The following NTM variants were observed in gnomAD, a reference collection of about 807,000 sequenced individuals.
The protein encoded by NTM is IgLON family member 2.
NTM carries 13 observed loss-of-function variants against 42.1 expected under a neutral mutation model. That is an observed-to-expected ratio of 0.31 (90% CI 0.20 to 0.49). The LOEUF is 0.49. NTM is among the 20% of genes least tolerant of loss of function. The pLI, the probability that NTM is intolerant of heterozygous loss-of-function variation, is 0.99. For missense variants in NTM, 373 were observed against 452.8 expected (o/e 0.82, Z 1.60); for synonymous variants, 187 against 179.2 (o/e 1.04, Z -0.35).
intron 1 of NTM, among the ~76,000 whole-genome samples, chr11:131,661,847 G>A (rs111379421): frequency 6.6e-5 from 10 of 152,128 alleles, no homozygotes; most frequent in African/African-American, 2.4e-4. Flanking sequence ...TTTTCTTTGC[G>A]AGAGAGAGAA....
At chr11:132,206,445 T>A (rs1204442860) in intron 3 of NTM, among the ~76,000 whole-genome samples, 2 of 152,222 alleles carry the variant, frequency 1.3e-5, no homozygotes, top group Non-Finnish European at 2.9e-5. Flanking sequence ...AACTCACTCA[T>A]TGAGCACTTC....
At chr11:131,789,610 GAA>G (rs2090404734) in intron 1 of NTM, among the ~76,000 whole-genome samples, 4 of 84,308 alleles carry the variant, frequency 4.7e-5, no homozygotes, top group Admixed American at 1.3e-4. Flanking sequence ...AGAAGAAGAA[GAA>G]GAAGAAGAAG....
chr11:131,840,196 C>T (rs898973150), intron 1 of NTM, among the ~76,000 whole-genome samples: 4 of 152,112 alleles, frequency 2.6e-5, no homozygotes, highest in African/African-American at 7.2e-5. Flanking sequence ...TTTAAAGCCA[C>T]GAGGCCAAAT....
intron 4 of NTM, among the ~76,000 whole-genome samples, chr11:132,226,041 C>T (rs916947945): frequency 1.3e-5 from 2 of 152,168 alleles, no homozygotes; most frequent in Non-Finnish European, 2.9e-5. Context: ...AGGACATGAA[C>T]TCATCCTTTT....
At chr11:131,554,394 T>A (rs1320359320) in intron 1 of NTM, among the ~76,000 whole-genome samples, 1 of 152,122 alleles carries the variant, frequency 6.6e-6, no homozygotes, top group Non-Finnish European at 1.5e-5. Context: ...TATCAGCTGA[T>A]CAAAAATACA....
At chr11:132,072,151 C>T (rs889554092) in intron 2 of NTM, among the ~76,000 whole-genome samples, 1 of 152,198 alleles carries the variant, frequency 6.6e-6, no homozygotes, top group Non-Finnish European at 1.5e-5. Context: ...GAGCCAACCC[C>T]AGCCCTTCCC....
intron 2 of NTM, among the ~76,000 whole-genome samples, chr11:132,010,034 C>T (rs2071750355): frequency 2.6e-5 from 4 of 152,150 alleles, no homozygotes; most frequent in Admixed American, 2.6e-4. Flanking sequence ...AGAAAATGGA[C>T]AGACAATTTC....
At chr11:131,456,591 G>C (rs766450834) in intron 1 of NTM, among the ~76,000 whole-genome samples, 10 of 151,984 alleles carry the variant, frequency 6.6e-5, no homozygotes, top group Non-Finnish European at 1.3e-4. Context: ...AGGGGGTTCA[G>C]CTCAGCTCTA....
chr11:131,923,108 C>T lies in NTM; in HGVS notation c.167+11460C>T, dbSNP rs115165136. 4.0e-3 allele frequency among the ~76,000 whole-genome samples: 603 copies of T among 152,168 alleles called. 2 individuals are homozygous for T. The highest frequency in any genetic ancestry group is 0.014 in the African/African-American group (582 of 41,544). On this transcript the variant is annotated intron_variant, in intron 2 of 8. Coordinates refer to ENST00000683400, the MANE Select transcript of NTM (RefSeq NM_001352005.2). ...TCATCCTGTTTGAAATAGCCATGTCCTCAGCCCCCATCTTTCTATCCCTCT... is the reference window on the plus strand; with the variant it reads ...TCATCCTGTTTGAAATAGCCATGTCTTCAGCCCCCATCTTTCTATCCCTCT...
chr11:131,789,481 GAA>G lies in NTM; in HGVS notation c.83-122082_83-122081del, dbSNP rs1280776263. ...AGAAGAAGAAGAAGAAGAAGAAGAA[GAA>G]GAAGAAGAGGAAAGAAGAAGAAGAA... On this transcript the variant is annotated intron_variant, in intron 1 of 8. Transcript: ENST00000683400. Among the ~76,000 whole-genome samples the G allele has an allele frequency of 3.9e-3, 40 of 10,272 alleles. 2 individuals carry two copies. Among genetic ancestry groups the G allele is most frequent in the East Asian group, 0.014 (6 of 440 alleles). 6.7% of individuals were successfully genotyped at this position (10,272 alleles called of 152,430 possible). A position where few individuals can be genotyped will look rare whatever the true frequency, so the allele number is the denominator to read the frequency against.
At chr11:131,841,582 C>T (rs1036373190) in intron 1 of NTM, among the ~76,000 whole-genome samples, 1 of 152,058 alleles carries the variant, frequency 6.6e-6, no homozygotes, top group African/African-American at 2.4e-5. Context: ...AATGTACAGT[C>T]AAGGACGAGA....
intron 7 of NTM, among the ~76,000 whole-genome samples, chr11:132,324,066 A>G (rs1162032376): frequency 8.5e-6 from 1 of 118,126 alleles, no homozygotes. Context: ...CACAGCCAAT[A>G]TCATACTGAA....
In NTM at chr11:131,638,677, G is replaced by A. The variant is rs1235244327; in HGVS notation, c.82+267789G>A. Among the ~76,000 whole-genome samples the A allele has an allele frequency of 5.3e-5, 8 of 150,354 alleles. No individual in the cohort carries two copies. The East Asian group carries it at 1.6e-3, about 30-fold the overall frequency. Reference sequence around the variant, plus strand: ...GGCTGGCTTCAAGTCATACCATTATGACATCCCATTTCTACCCCCTTCTAA... The same window carrying A: ...GGCTGGCTTCAAGTCATACCATTATAACATCCCATTTCTACCCCCTTCTAA... On this transcript the variant is annotated intron_variant, in intron 1 of 8. Coordinates refer to ENST00000683400, the MANE Select transcript of NTM (RefSeq NM_001352005.2).
chr11:131,749,830 C>T (rs895628164), intron 1 of NTM, among the ~76,000 whole-genome samples: 1 of 152,120 alleles, frequency 6.6e-6, no homozygotes, highest in Non-Finnish European at 1.5e-5. Flanking sequence ...AAACTCCTAA[C>T]CTCAGGTGAT....
intron 1 of NTM, among the ~76,000 whole-genome samples, chr11:131,592,366 A>G (rs542506378): frequency 7.9e-5 from 12 of 152,226 alleles, no homozygotes; most frequent in South Asian, 2.1e-4. Context: ...ATAGCCTTTT[A>G]ACCTAAGATC....
chr11:131,742,002 C>T (rs188458043), intron 1 of NTM, among the ~76,000 whole-genome samples: 4 of 152,126 alleles, frequency 2.6e-5, no homozygotes, highest in East Asian at 1.9e-4. Flanking sequence ...CATGTTTTCA[C>T]GTATGAGTAG....
intron 1 of NTM, among the ~76,000 whole-genome samples, chr11:131,785,461 A>G (rs1225796383): frequency 6.6e-6 from 1 of 152,248 alleles, no homozygotes; most frequent in African/African-American, 2.4e-5. Context: ...GACCCTTGGC[A>G]GCTAAGGCTA....
intron 1 of NTM, among the ~76,000 whole-genome samples, chr11:131,616,664 G>A (rs7111111): frequency 1.3e-5 from 2 of 151,834 alleles, no homozygotes; most frequent in Non-Finnish European, 2.9e-5. Context: ...TTCCCCACCC[G>A]GCTCCTCTGG....
At chr11:132,271,834 T>G (rs2093495059) in intron 4 of NTM, among the ~76,000 whole-genome samples, 1 of 151,982 alleles carries the variant, frequency 6.6e-6, no homozygotes, top group Admixed American at 6.6e-5. Context: ...TGTCTCTCAT[T>G]CTTTGTCATT....
Sources: allele counts gnomAD v4.1 joint callset (sites outside exome capture counted in the v4.1 genomes callset), GRCh38; gene constraint gnomAD v4.1.1; transcripts MANE v1.5; gene names NCBI Gene and HGNC (gene_info 2026-07-23, HGNC 2026-07-21).